EDDM13: variants seen among roughly 807,000 people sequenced by gnomAD.
EDDM13 encodes epididymal protein 13.
In EDDM13, 24 loss-of-function variants were observed where a neutral mutation model predicts 17.8. The ratio of observed to expected loss-of-function variants is 1.35; its 90% CI spans 0.98 to 1.90. The LOEUF (loss-of-function observed/expected upper bound fraction) is 1.90, where lower values mean the gene tolerates loss of function less well. Among genes scored for constraint, EDDM13 ranks in the 40% most tolerant of loss-of-function variants. The pLI is 0.00. For missense variants in EDDM13, 97 were observed against 100.8 expected, an observed-to-expected ratio of 0.96 and a Z score of 0.16; for synonymous variants, 31 against 37.5, an observed-to-expected ratio of 0.83 and a Z score of 0.63.
intron 13 of EDDM13, 115 bp from the exon 14 acceptor site, chr19:56,304,678 G>A: frequency 2.0e-6 from 1 of 488,642 alleles, no homozygotes; most frequent in Non-Finnish European, 2.7e-6. Flanking sequence ...GAGCAGAGGG[G>A]GAGGACGGGA....
At chr19:56,279,350 A>G (rs533316677) in intron 2 of EDDM13, among the ~76,000 whole-genome samples, 6 of 152,248 alleles carry the variant, frequency 3.9e-5, no homozygotes, top group African/African-American at 1.4e-4. Flanking sequence ...ACTTTACTCA[A>G]TCTGTTTATT....
At chr19:56,301,153 C>A (rs973077764) in intron 12 of EDDM13, among the ~76,000 whole-genome samples, 1 of 152,134 alleles carries the variant, frequency 6.6e-6, no homozygotes, top group African/African-American at 2.4e-5. Flanking sequence ...AAAGTGAAAG[C>A]AAGTTTATTA....
chr19:56,290,451 G>A (rs867608631), intron 8 of EDDM13, among the ~76,000 whole-genome samples: 2 of 152,222 alleles, frequency 1.3e-5, no homozygotes, highest in Non-Finnish European at 1.5e-5. Context: ...CTCTGAGCTA[G>A]AGCAGTGCTT....
At chr19:56,306,356 A>G (rs2040689370) in intron 14 of EDDM13, among the ~76,000 whole-genome samples, 1 of 118,654 alleles carries the variant, frequency 8.4e-6, no homozygotes, top group African/African-American at 3.1e-5. Flanking sequence ...ATAGCTACAA[A>G]GAGGCTCCTC....
intron 14 of EDDM13, among the ~76,000 whole-genome samples, chr19:56,309,807 G>A (rs577297187): frequency 9.2e-5 from 14 of 152,306 alleles, no homozygotes; most frequent in South Asian, 4.1e-4. Context: ...TGGAGGGGGC[G>A]CTGCTTCCCA....
intron 4 of EDDM13, 45 bp from the exon 5 acceptor site, chr19:56,284,153 T>A: frequency 1.0e-6 from 1 of 985,466 alleles, no homozygotes; most frequent in Non-Finnish European, 1.2e-6. Flanking sequence ...ACCACGCATG[T>A]AACCTTGGCC....
intron 9 of EDDM13, chr19:56,294,997 A>G (rs1165265064): frequency 6.6e-6 from 1 of 152,168 alleles, no homozygotes; most frequent in Non-Finnish European, 1.5e-5. Flanking sequence ...GCCCAGAGAG[A>G]TGGGGAGTGA....
intron 2 of EDDM13, chr19:56,280,512 T>C (rs1464689180): frequency 6.6e-6 from 1 of 152,192 alleles, no homozygotes. Flanking sequence ...ATTATATCTA[T>C]ATATAGATAT....
intron 2 of EDDM13, among the ~76,000 whole-genome samples, chr19:56,277,867 G>A (rs1254762302): frequency 6.6e-6 from 1 of 152,080 alleles, no homozygotes; most frequent in Non-Finnish European, 1.5e-5. Flanking sequence ...ATTCATCCAT[G>A]TCACCAAAAA....
Position 56,272,866 on chromosome 19 carries a change from C to T in EDDM13, c.32C>T (p.Ser11Leu), listed in dbSNP as rs1460194157. 6 of 985,258 alleles carry T rather than the reference C, an allele frequency of 6.1e-6. No individual in the cohort carries two copies. The highest frequency in any genetic ancestry group is 7.2e-6 in the Non-Finnish European group (6 of 829,914). 61.0% of individuals were successfully genotyped at this position (985,258 alleles called of 1,614,324 possible). ...AGATCAGAGCCATTTCTGAAAATGT[C>T]GCTGCTGATTCTGCTTTTCCTGGGA... MHRSEPFLKM[S>L]LLILLFLGLA... The change falls in exon 1 of 15, where the codon TCG becomes TTG. Residue 11 changes from serine to leucine, a missense_variant. Physicochemically the swap from Ser to Leu is moderately radical, Grantham distance 145 (BLOSUM62 -2). Coordinates refer to ENST00000649256, the MANE Select transcript of EDDM13 (RefSeq NM_001354658.2).
intron 9 of EDDM13, among the ~76,000 whole-genome samples, chr19:56,294,859 A>C (rs1231842457): frequency 6.6e-6 from 1 of 152,230 alleles, no homozygotes; most frequent in Non-Finnish European, 1.5e-5. Flanking sequence ...CACAGTGCTC[A>C]GTCAAAGAAG....
chr19:56,302,307 T>C (rs2040293866), intron 13 of EDDM13, among the ~76,000 whole-genome samples: 1 of 144,950 alleles, frequency 6.9e-6, no homozygotes, highest in Non-Finnish European at 1.5e-5. Flanking sequence ...TCTTCCCTCT[T>C]TTCTCCCTCC....
chr19:56,305,047 G>A (rs776948193), intron 14 of EDDM13, among the ~76,000 whole-genome samples: 7 of 152,274 alleles, frequency 4.6e-5, no homozygotes, highest in Middle Eastern at 3.4e-3. Flanking sequence ...TGACAGGGAT[G>A]TGCCGGGCAG....
At chr19:56,273,140 ATCAC>A (rs1275715952) in intron 1 of EDDM13, among the ~76,000 whole-genome samples, 2 of 152,154 alleles carry the variant, frequency 1.3e-5, no homozygotes, top group Non-Finnish European at 1.5e-5. Flanking sequence ...CCTGGTTTCT[ATCAC>A]TGATTCTGTG....
intron 2 of EDDM13, among the ~76,000 whole-genome samples, chr19:56,276,495 T>A (rs2147008785): frequency 7.1e-6 from 1 of 140,034 alleles, no homozygotes. Flanking sequence ...TTATTAAGGA[T>A]CTAAAGAGCT....
chr19:56,294,649 C>T (rs2039740301), intron 9 of EDDM13, among the ~76,000 whole-genome samples: 1 of 152,184 alleles, frequency 6.6e-6, no homozygotes. Flanking sequence ...GCCAATAAAA[C>T]TTTATTTACA....
rs1364034226 is a variant in EDDM13 at position 56,291,763 on chromosome 19, T to C, written c.232+917T>C. ...ATCTTTTTTTTTTAAACTCAAGAAC[T>C]GGGAAAAAATAGCTATATTACCATC... On this transcript the variant is annotated intron_variant, in intron 9 of 14. Coordinates refer to ENST00000649256, the MANE Select transcript of EDDM13 (RefSeq NM_001354658.2). Among the ~76,000 whole-genome samples the C allele has an allele frequency of 2.6e-5, 4 of 151,886 alleles. No individual in the cohort carries two copies. The East Asian group carries it at 7.7e-4, about 29-fold the overall frequency.
Position 56,276,752 on chromosome 19 carries a change from G to C in EDDM13, c.103+643G>C, listed in dbSNP as rs181236156. ...GGGTTTCACCATGTTGGTCAGGCTG[G>C]TCTCGAACTCCTGACCTCAGGTGAT... is the stretch of plus-strand genomic sequence containing the variant. On this transcript the variant is annotated intron_variant, in intron 2 of 14. Transcript: ENST00000649256. Among the ~76,000 whole-genome samples the C allele has an allele frequency of 1.6e-4, 25 of 151,974 alleles. No homozygotes were observed. The East Asian group carries it at 4.7e-3, about 28-fold the overall frequency.
chr19:56,307,660 C>G (rs1175337134), intron 14 of EDDM13, among the ~76,000 whole-genome samples: 2 of 152,078 alleles, frequency 1.3e-5, no homozygotes, highest in African/African-American at 4.8e-5. Context: ...ACTGCAAATG[C>G]CTAATAGTTT....
Sources: allele counts gnomAD v4.1 joint callset (sites outside exome capture counted in the v4.1 genomes callset), GRCh38; gene constraint gnomAD v4.1.1; transcripts MANE v1.5; gene names NCBI Gene and HGNC (gene_info 2026-07-23, HGNC 2026-07-21).